CDC14B: variants seen among roughly 807,000 people sequenced by gnomAD.
The protein encoded by CDC14B is cell division cycle 14B, also known as dual specificity protein phosphatase CDC14B.
Under a neutral mutation model 64.2 loss-of-function variants are expected in CDC14B, and 22 were observed. That is an observed-to-expected ratio of 0.34 (90% CI 0.24 to 0.49). The LOEUF (loss-of-function observed/expected upper bound fraction) is 0.49. Among genes scored for constraint, CDC14B ranks in the 20% least tolerant of loss-of-function variants. The pLI, the probability that CDC14B is intolerant of heterozygous loss-of-function variation, is 0.99. For synonymous variants in CDC14B, 191 were observed against 215.8 expected, an observed-to-expected ratio of 0.89 and a Z score of 1.01; for missense variants, 498 against 629.9, an observed-to-expected ratio of 0.79 and a Z score of 2.24.
intron 5 of CDC14B, among the ~76,000 whole-genome samples, chr9:96,545,988 A>G (rs1028824972): frequency 1.3e-5 from 2 of 152,206 alleles, no homozygotes; most frequent in Non-Finnish European, 2.9e-5. Context: ...GGCAGTGGGG[A>G]GGGATCCTTG....
In CDC14B at chr9:96,502,691, A is replaced by C; in HGVS notation, c.*1062T>G. The C allele has an allele frequency of 2.6e-6, 1 of 381,364 alleles. No homozygotes were observed. The allele number at this position is 381,364 out of a possible 1,614,324, so 23.6% of individuals were successfully genotyped here. ...TTCCAGTAGGGCTGCGGGAGAAGGC[A>C]CTCTGCAGAGTTACTAGTTGTGTTC... On this transcript the variant is annotated 3_prime_UTR_variant, in exon 14 of 14. Transcript: ENST00000375241.
At chr9:96,604,494 C>A (rs1712386584) in intron 1 of CDC14B, among the ~76,000 whole-genome samples, 1 of 151,658 alleles carries the variant, frequency 6.6e-6, no homozygotes, top group African/African-American at 2.4e-5. Flanking sequence ...GATTCTCCTG[C>A]CTCAGCCTCC....
chr9:96,506,085 A>C (rs1468855559), intron 13 of CDC14B, among the ~76,000 whole-genome samples: 2 of 152,208 alleles, frequency 1.3e-5, no homozygotes, highest in Admixed American at 1.3e-4. Context: ...TGAAAATGGA[A>C]GGTCAAGTTC....
intron 13 of CDC14B, among the ~76,000 whole-genome samples, chr9:96,508,944 C>T (rs1834549744): frequency 6.6e-6 from 1 of 152,124 alleles, no homozygotes; most frequent in Admixed American, 6.6e-5. Context: ...TCGTTTTTAC[C>T]AGGAGGACAG....
intron 1 of CDC14B, among the ~76,000 whole-genome samples, chr9:96,566,533 C>T (rs1843973296): frequency 1.3e-5 from 2 of 152,242 alleles, no homozygotes; most frequent in Non-Finnish European, 2.9e-5. Context: ...GGATCTCGCT[C>T]CCGCGGGCGG....
intron 13 of CDC14B, among the ~76,000 whole-genome samples, chr9:96,504,900 C>T (rs868632260): frequency 3.9e-5 from 6 of 152,258 alleles, no homozygotes; most frequent in African/African-American, 1.4e-4. Flanking sequence ...AGAGGCCGGG[C>T]GCCGTGGCTC....
At chr9:96,543,252 G>A (rs1840334030) in intron 5 of CDC14B, among the ~76,000 whole-genome samples, 1 of 151,166 alleles carries the variant, frequency 6.6e-6, no homozygotes, top group Admixed American at 6.6e-5. Flanking sequence ...GGAGAATGGC[G>A]TGAACCCGGA....
intron 3 of CDC14B, 56 bp downstream of exon 3, chr9:96,564,721 T>C: frequency 1.9e-6 from 2 of 1,040,730 alleles, no homozygotes; most frequent in Non-Finnish European, 2.8e-6. Context: ...TTCCTTACTT[T>C]CGTCCCCCAG....
At chr9:96,603,820 C>T (rs1388286505) in intron 1 of CDC14B, among the ~76,000 whole-genome samples, 3 of 152,078 alleles carry the variant, frequency 2.0e-5, no homozygotes, top group East Asian at 3.8e-4. Flanking sequence ...AAAAAGGTAC[C>T]GATAGTAAAC....
chr9:96,618,236 G>T (rs1232529324), intron 1 of CDC14B, among the ~76,000 whole-genome samples: 1 of 152,300 alleles, frequency 6.6e-6, no homozygotes, highest in East Asian at 1.9e-4. Flanking sequence ...AAGGCTAGGG[G>T]CTGGAAACAG....
intron 4 of CDC14B, among the ~76,000 whole-genome samples, chr9:96,561,654 A>ATT (rs1287669232): frequency 4.4e-5 from 6 of 137,260 alleles, no homozygotes; most frequent in African/African-American, 1.6e-4. Context: ...CATTTTTTGT[A>ATT]TTTTTTTTTT....
chr9:96,512,203 A>C (rs1834994798), intron 12 of CDC14B, among the ~76,000 whole-genome samples: 1 of 146,386 alleles, frequency 6.8e-6, no homozygotes, highest in Non-Finnish European at 1.5e-5. Context: ...GGTGATAGAG[A>C]CTTTGTATAA....
intron 4 of CDC14B, among the ~76,000 whole-genome samples, chr9:96,559,537 G>A (rs1428946606): frequency 6.6e-6 from 1 of 152,180 alleles, no homozygotes; most frequent in Admixed American, 6.5e-5. Context: ...AGCTTCACTT[G>A]CTTTGATGTG....
chr9:96,605,776 G>A (rs1459196876), intron 1 of CDC14B, among the ~76,000 whole-genome samples: 5 of 151,458 alleles, frequency 3.3e-5, no homozygotes, highest in East Asian at 3.9e-4. Flanking sequence ...CTGGAGAATC[G>A]TTTGAACCCG....
At chr9:96,533,528 AC>A (rs1838814666) in intron 9 of CDC14B, among the ~76,000 whole-genome samples, 1 of 152,176 alleles carries the variant, frequency 6.6e-6, no homozygotes, top group South Asian at 2.1e-4. Context: ...CTATCTTCAT[AC>A]CATTTATTAT....
exon 14 of CDC14B, chr9:96,493,251 C>T (rs1019377391): frequency 2.6e-5 from 4 of 152,396 alleles, no homozygotes; most frequent in South Asian, 2.1e-4. Context: ...TGGCGGCCTC[C>T]GCTGTAGACA....
At chr9:96,519,076 C>T (rs960597524) in intron 12 of CDC14B, among the ~76,000 whole-genome samples, 2 of 151,972 alleles carry the variant, frequency 1.3e-5, no homozygotes, top group African/African-American at 2.4e-5. Context: ...GCGGAGCTTG[C>T]AGTGAGCCGA....
At chr9:96,535,492 G>A (rs1248758296) in intron 7 of CDC14B, among the ~76,000 whole-genome samples, 1 of 152,082 alleles carries the variant, frequency 6.6e-6, no homozygotes, top group East Asian at 1.9e-4. Flanking sequence ...TTATAACATA[G>A]ATACAGTTCA....
At chr9:96,539,277 T>G (rs1217188105) in intron 6 of CDC14B, 137 bp from the exon 7 acceptor site, 2 of 620,920 alleles carry the variant, frequency 3.2e-6, no homozygotes, top group Non-Finnish European at 5.8e-6. Context: ...CTGAACAGCT[T>G]TCAAAGGAAG....
Sources: allele counts gnomAD v4.1 joint callset (sites outside exome capture counted in the v4.1 genomes callset), GRCh38; gene constraint gnomAD v4.1.1; transcripts MANE v1.5; gene names NCBI Gene and HGNC (gene_info 2026-07-23, HGNC 2026-07-21).